Variants in TNRC6A observed in about 807,000 individuals in gnomAD.
TNRC6A encodes trinucleotide repeat-containing gene 6A protein.
In TNRC6A, 44 loss-of-function variants were observed where a neutral mutation model predicts 221.2. That is an observed-to-expected ratio of 0.20 (90% CI 0.16 to 0.26). TNRC6A has a LOEUF of 0.26. TNRC6A is among the 10% of genes least tolerant of loss of function. The pLI is 1.00. For synonymous variants in TNRC6A, 847 were observed against 838.5 expected (o/e 1.01, Z -0.18); for missense variants, 2,199 against 2,404.4 (o/e 0.91, Z 1.79).
chr16:24,657,432 C>T (rs1235638423), intron 2 of TNRC6A, among the ~76,000 whole-genome samples: 2 of 151,092 alleles, frequency 1.3e-5, no homozygotes, highest in African/African-American at 2.4e-5. Flanking sequence ...AAATAAAGGC[C>T]GGGCAGGCGG....
At chr16:24,752,905 G>A (rs947507973) in intron 3 of TNRC6A, among the ~76,000 whole-genome samples, 4 of 152,122 alleles carry the variant, frequency 2.6e-5, no homozygotes, top group South Asian at 2.1e-4. Context: ...ATATATAAGC[G>A]TATTTGTTTG....
At chr16:24,723,388 G>T (rs61522855) in intron 2 of TNRC6A, among the ~76,000 whole-genome samples, 3,761 of 152,194 alleles carry the variant, frequency 0.025, 143 homozygotes, top group African/African-American at 0.084. Context: ...GAGGTCAGGG[G>T]TTCAAGATGA....
At chr16:24,739,865 G>A (rs2056855139) in intron 2 of TNRC6A, among the ~76,000 whole-genome samples, 2 of 152,018 alleles carry the variant, frequency 1.3e-5, no homozygotes, top group Admixed American at 1.3e-4. Flanking sequence ...TCTGTTACTT[G>A]TGTTGTTGGC....
intron 2 of TNRC6A, among the ~76,000 whole-genome samples, chr16:24,658,952 G>A (rs969214777): frequency 2.6e-5 from 4 of 151,756 alleles, no homozygotes; most frequent in East Asian, 3.9e-4. Context: ...GGGACTATAG[G>A]CGTGCGCTAC....
rs375934667 is a variant in TNRC6A at position 24,693,855 on chromosome 16, G to A, written n.402+52846G>A. Among the ~76,000 whole-genome samples, 8 of 152,038 alleles carry A rather than the reference G, an allele frequency of 5.3e-5. No homozygotes were observed. The South Asian group carries it at 8.3e-4, about 16-fold the overall frequency. ...GTCACGGCTGCAGTGAGCCAAGACC[G>A]CCACTGCACTCCAGCATGGGTGACA... On this transcript the variant is annotated intron_variant and non_coding_transcript_variant, in intron 2 of 2. Transcript: ENST00000566108.
At chr16:24,817,238 T>G (rs2058675239) in intron 20 of TNRC6A, among the ~76,000 whole-genome samples, 1 of 152,204 alleles carries the variant, frequency 6.6e-6, no homozygotes. Context: ...CATCCCTTAG[T>G]ATGGCAAATA....
chr16:24,662,266 A>G (rs1012108986), intron 2 of TNRC6A: 1 of 150,988 alleles, frequency 6.6e-6, no homozygotes, highest in Admixed American at 6.6e-5. Flanking sequence ...CCTAAGCAAC[A>G]TGGTGAGACA....
chr16:24,805,237 C>CA, intron 14 of TNRC6A, 86 bp downstream of exon 14: 1 of 1,530,592 alleles, frequency 6.5e-7, no homozygotes, highest in African/African-American at 1.4e-5. Context: ...GCTAACTAAG[C>CA]ATTATCATAT....
chr16:24,744,825 C>T (rs1182326250), intron 2 of TNRC6A, among the ~76,000 whole-genome samples: 4 of 152,122 alleles, frequency 2.6e-5, no homozygotes, highest in Admixed American at 2.0e-4. Flanking sequence ...TGTATATGTA[C>T]ACGTCTCCAG....
At chr16:24,741,152 A>G (rs1402623841) in intron 2 of TNRC6A, among the ~76,000 whole-genome samples, 1 of 151,904 alleles carries the variant, frequency 6.6e-6, no homozygotes, top group African/African-American at 2.4e-5. Context: ...TCACACACGC[A>G]CTCTCTTTTT....
At chr16:24,762,378 A>G (rs1211737485) in intron 4 of TNRC6A, among the ~76,000 whole-genome samples, 1 of 152,226 alleles carries the variant, frequency 6.6e-6, no homozygotes, top group African/African-American at 2.4e-5. Flanking sequence ...ATTATAGCTG[A>G]CTTAGAGCAC....
Position 24,794,686 on chromosome 16 carries a change from T to A in TNRC6A, c.3495T>A (p.Asn1165Lys). The change falls in exon 8 of 25, where the codon AAT (asparagine) becomes AAA (lysine). Residue 1165 changes from asparagine (N) to lysine (K), a missense_variant. Coordinates refer to ENST00000395799, the MANE Select transcript of TNRC6A (RefSeq NM_014494.4). ...CTCAAGAGCTTAACTCATCTTTAAA[T>A]TGGCCACCATATACAAAGAAAATGT... is the stretch of plus-strand genomic sequence containing the variant. ...NSSQELNSSL[N>K]WPPYTKKMSS... 6.2e-7 allele frequency: 1 copy of A among 1,613,852 alleles called. No individual in the cohort carries two copies. The highest frequency in any genetic ancestry group is 8.5e-7 in the Non-Finnish European group (1 of 1,179,882).
At chr16:24,771,582 T>TTATGTTATGTTATGTTATGTTA in intron 4 of TNRC6A, among the ~76,000 whole-genome samples, 7 of 95,550 alleles carry the variant, frequency 7.3e-5, no homozygotes, top group East Asian at 3.9e-4. Context: ...TTATGTTATG[T>TTATGTTATGTTATGTTATGTTA]TGTTATGTTA....
intron 20 of TNRC6A, 39 bp downstream of exon 20, chr16:24,816,995 A>T (rs766024005): frequency 1.3e-6 from 2 of 1,593,372 alleles, no homozygotes; most frequent in South Asian, 2.3e-5. Context: ...AGTGACACTT[A>T]ACACAGTTTA....
chr16:24,619,538 G>C (rs1001371628), intron 1 of TNRC6A, among the ~76,000 whole-genome samples: 1 of 152,160 alleles, frequency 6.6e-6, no homozygotes, highest in Non-Finnish European at 1.5e-5. Context: ...TGTCACTCTA[G>C]ACATGTTCAC....
intron 4 of TNRC6A, among the ~76,000 whole-genome samples, chr16:24,761,382 T>TA (rs1212499129): frequency 5.3e-5 from 8 of 152,306 alleles, no homozygotes; most frequent in South Asian, 2.1e-4. Context: ...AGTGAAGTGC[T>TA]AAAAAACTTC....
chr16:24,638,635 C>T (rs1422245734), intron 1 of TNRC6A, among the ~76,000 whole-genome samples: 1 of 151,912 alleles, frequency 6.6e-6, no homozygotes, highest in African/African-American at 2.4e-5. Flanking sequence ...ATCACTTGAA[C>T]CCAGGAGGCG....
At chr16:24,820,646 A>C (rs1326389391) in intron 22 of TNRC6A, among the ~76,000 whole-genome samples, 1 of 152,256 alleles carries the variant, frequency 6.6e-6, no homozygotes, top group Non-Finnish European at 1.5e-5. Context: ...CATGGAGCAG[A>C]AGGCAGTATT....
At chr16:24,618,408 A>T (rs1184132651) in intron 1 of TNRC6A, among the ~76,000 whole-genome samples, 2 of 152,176 alleles carry the variant, frequency 1.3e-5, no homozygotes, top group Non-Finnish European at 2.9e-5. Context: ...ATGTGGAATG[A>T]CTTTAATCCC....
Sources: allele counts gnomAD v4.1 joint callset (sites outside exome capture counted in the v4.1 genomes callset), GRCh38; gene constraint gnomAD v4.1.1; transcripts MANE v1.5; gene names NCBI Gene and HGNC (gene_info 2026-07-23, HGNC 2026-07-21).